The following SVOPL variants were observed in gnomAD, a reference collection of about 807,000 sequenced individuals.
SVOPL encodes the protein putative transporter SVOPL.
In SVOPL, 60 loss-of-function variants were observed where a neutral mutation model predicts 61.0. That is an observed-to-expected ratio of 0.98 (90% CI 0.80 to 1.22). The LOEUF (loss-of-function observed/expected upper bound fraction) is 1.22, where lower values mean the gene tolerates loss of function less well. Among genes scored for constraint, SVOPL ranks in the 50% most tolerant of loss-of-function variants. The pLI, the probability that SVOPL is intolerant of heterozygous loss-of-function variation, is 0.00. For synonymous variants in SVOPL, 279 were observed against 250.0 expected, an observed-to-expected ratio of 1.12 and a Z score of -1.09; for missense variants, 662 against 643.9, an observed-to-expected ratio of 1.03 and a Z score of -0.30.
chr7:138,652,554 G>C (rs1487129254), intron 7 of SVOPL, among the ~76,000 whole-genome samples: 1 of 152,168 alleles, frequency 6.6e-6, no homozygotes, highest in Non-Finnish European at 1.5e-5. Context: ...CGAAAGCTGA[G>C]GTAAGCCAAA....
intron 5 of SVOPL, chr7:138,662,180 C>T (rs1455147897): frequency 2.0e-5 from 20 of 985,464 alleles, no homozygotes; most frequent in Non-Finnish European, 2.4e-5. Flanking sequence ...AGAACTTCTG[C>T]TTTCTCTGCC....
chr7:138,622,129 T>A, intron 13 of SVOPL, among the ~76,000 whole-genome samples: 1 of 140,912 alleles, frequency 7.1e-6, no homozygotes, highest in Non-Finnish European at 1.6e-5. Context: ...TATGTATCTA[T>A]CTATCTATGT....
At chr7:138,616,266 G>T (rs1799294739) in intron 14 of SVOPL, among the ~76,000 whole-genome samples, 1 of 152,198 alleles carries the variant, frequency 6.6e-6, no homozygotes, top group Non-Finnish European at 1.5e-5. Flanking sequence ...CCCAGAATAA[G>T]TGCGGAGGCA....
At chr7:138,622,817 G>A (rs571173601) in intron 13 of SVOPL, among the ~76,000 whole-genome samples, 2 of 152,074 alleles carry the variant, frequency 1.3e-5, no homozygotes, top group South Asian at 2.1e-4. Flanking sequence ...CTAATTAATT[G>A]GTTTTTCATT....
At chr7:138,642,282 T>A (rs1482247224) in intron 9 of SVOPL, among the ~76,000 whole-genome samples, 4 of 74,672 alleles carry the variant, frequency 5.4e-5, no homozygotes, top group African/African-American at 1.2e-4. Context: ...AAAACGGAAA[T>A]TAGCCAAAAA....
chr7:138,686,482 G>A (rs1231959785), intron 1 of SVOPL, among the ~76,000 whole-genome samples: 1 of 150,298 alleles, frequency 6.7e-6, no homozygotes, highest in Non-Finnish European at 1.5e-5. Flanking sequence ...TGTTTGCCAA[G>A]TGCTGGCTCT....
intron 1 of SVOPL, among the ~76,000 whole-genome samples, chr7:138,693,442 A>G (rs1174776848): frequency 6.6e-6 from 1 of 151,002 alleles, no homozygotes; most frequent in Non-Finnish European, 1.5e-5. Context: ...GTTCCAATCC[A>G]GCCTGGATGA....
chr7:138,663,295 C>T (rs1802084343), intron 4 of SVOPL, 150 bp from the exon 5 acceptor site: 2 of 1,462,606 alleles, frequency 1.4e-6, no homozygotes, highest in Non-Finnish European at 1.8e-6. Flanking sequence ...CTTGCTTGCC[C>T]CTGAGGCCCT....
At chr7:138,629,764 G>GA (rs1800087447) in intron 10 of SVOPL, among the ~76,000 whole-genome samples, 1 of 152,190 alleles carries the variant, frequency 6.6e-6, no homozygotes, top group African/African-American at 2.4e-5. Context: ...CATGTGGTGA[G>GA]AAAAAGACCA....
chr7:138,634,649 TAAA>T (rs940283552), intron 9 of SVOPL, among the ~76,000 whole-genome samples: 2 of 147,226 alleles, frequency 1.4e-5, no homozygotes, highest in African/African-American at 2.5e-5. Flanking sequence ...CCCTGTCTTT[TAAA>T]AAATCAAGTA....
rs540638373 is a variant in SVOPL at position 138,596,742 on chromosome 7, C to T, written c.1354-212G>A. ...CCAAGAACAGGAACTGGTATTAACA[C>T]GCATTGGCCAGGTAAGACCTCTCTT... On this transcript the variant is annotated intron_variant, in intron 14 of 15. Coordinates refer to ENST00000674285, the MANE Select transcript of SVOPL (RefSeq NM_001139456.2). The T allele has an allele frequency of 1.5e-5, 18 of 1,235,800 alleles. No individual in the cohort carries two copies. In the Middle Eastern group the frequency reaches 1.7e-3, roughly 114 times the overall value. The allele number at this position is 1,235,800 out of a possible 1,614,324, so 76.6% of individuals were successfully genotyped here.
chr7:138,594,948 G>T (rs13234062), intron 15 of SVOPL, among the ~76,000 whole-genome samples: 2 of 148,144 alleles, frequency 1.4e-5, no homozygotes, highest in Non-Finnish European at 3.0e-5. Context: ...TAGAGACAGG[G>T]TTTCACCATG....
intron 7 of SVOPL, among the ~76,000 whole-genome samples, chr7:138,652,640 C>T (rs1801498101): frequency 6.6e-6 from 1 of 151,730 alleles, no homozygotes; most frequent in East Asian, 1.9e-4. Context: ...TTTGAGATGG[C>T]ATTCCATTCT....
intron 7 of SVOPL, among the ~76,000 whole-genome samples, chr7:138,651,693 A>G (rs1240437106): frequency 2.0e-5 from 3 of 152,168 alleles, no homozygotes; most frequent in Admixed American, 2.0e-4. Context: ...AATTATTTTC[A>G]TTGTTTGGGG....
intron 9 of SVOPL, among the ~76,000 whole-genome samples, chr7:138,632,140 G>A (rs894642398): frequency 7.2e-5 from 11 of 152,188 alleles, no homozygotes; most frequent in African/African-American, 2.7e-4. Flanking sequence ...CTCAAGAGAT[G>A]TCTGTGGAGG....
chr7:138,612,706 G>T lies in SVOPL; in HGVS notation c.1353+8340C>A, dbSNP rs551639914. Among the ~76,000 whole-genome samples, 3 of 152,114 alleles carry T rather than the reference G, an allele frequency of 2.0e-5. No homozygotes were observed. The South Asian group carries it at 6.2e-4, about 32-fold the overall frequency. ...AATATTGTATTTTTAGTAGAAACTG[G>T]TTTTCACCATGTTGGCCAGGCTGGT... On this transcript the variant is annotated intron_variant, in intron 14 of 15. Coordinates refer to ENST00000674285, the MANE Select transcript of SVOPL (RefSeq NM_001139456.2).
At chr7:138,677,393 A>T (rs1272966285) in intron 3 of SVOPL, among the ~76,000 whole-genome samples, 1 of 152,082 alleles carries the variant, frequency 6.6e-6, no homozygotes, top group Non-Finnish European at 1.5e-5. Flanking sequence ...TGCCCTACAA[A>T]CCATAAATTC....
intron 4 of SVOPL, among the ~76,000 whole-genome samples, chr7:138,667,102 G>A (rs1019343182): frequency 1.3e-5 from 2 of 152,268 alleles, no homozygotes; most frequent in South Asian, 2.1e-4. Flanking sequence ...GAGTTTTAAT[G>A]AGGGAGATGG....
Position 138,596,568 on chromosome 7 carries a change from C to T in SVOPL, c.1354-38G>A, listed in dbSNP as rs745612384. The T allele has an allele frequency of 1.0e-5, 16 of 1,605,794 alleles. No individual in the cohort carries two copies. The Admixed American group carries it at 2.5e-4, about 25-fold the overall frequency. On this transcript the variant is annotated intron_variant, in intron 14 of 15. Coordinates refer to ENST00000674285, the MANE Select transcript of SVOPL (RefSeq NM_001139456.2). ...AGAGAATTACTCAATTTATTATGCT[C>T]CAGTTACCTCTAAACTGTTCTTTAT... is the stretch of plus-strand genomic sequence containing the variant.
Sources: allele counts gnomAD v4.1 joint callset (sites outside exome capture counted in the v4.1 genomes callset), GRCh38; gene constraint gnomAD v4.1.1; transcripts MANE v1.5; gene names NCBI Gene and HGNC (gene_info 2026-07-23, HGNC 2026-07-21).